The following MARCHF8 variants were observed in gnomAD, a reference collection of about 807,000 sequenced individuals.
MARCHF8 encodes the protein E3 ubiquitin-protein ligase MARCHF8.
MARCHF8 carries 40 observed loss-of-function variants against 51.6 expected under a neutral mutation model. The observed-to-expected ratio is 0.77, with a 90% confidence interval of 0.60 to 1.01. The LOEUF is 1.01. Ranked by LOEUF, MARCHF8 falls within the 50% of genes least tolerant of loss-of-function variation. The probability of loss-of-function intolerance (pLI) is 0.00; values close to 1 mark genes in which losing one functional copy is unlikely to be tolerated. For missense variants in MARCHF8, 685 were observed against 708.6 expected (o/e 0.97, Z 0.38); for synonymous variants, 263 against 280.3 (o/e 0.94, Z 0.62).
rs538305766 is a variant in MARCHF8 at position 45,485,517 on chromosome 10, AAG to A, written c.153+3848_153+3849del. On this transcript the variant is annotated intron_variant, in intron 3 of 7. Coordinates refer to ENST00000453424, the MANE Select transcript of MARCHF8 (RefSeq NM_001282866.2). ...GGATCAAATCCAGCTGCCCACTTTG[AAG>A]AGAGGCAAGCCACCACAGACCTAGC... Among the ~76,000 whole-genome samples the A allele has an allele frequency of 2.2e-4, 33 of 152,284 alleles. No homozygotes were observed. The South Asian group carries it at 6.8e-3, about 32-fold the overall frequency.
intron 2 of MARCHF8, among the ~76,000 whole-genome samples, chr10:45,525,204 T>G (rs17157890): frequency 6.6e-6 from 1 of 152,148 alleles, no homozygotes; most frequent in African/African-American, 2.4e-5. Flanking sequence ...AAATACGAAA[T>G]TGTGTTTACT....
In MARCHF8 at chr10:45,461,377, G is replaced by T. The variant is rs148145718; in HGVS notation, c.1123C>A (p.Leu375Met). The T allele has an allele frequency of 1.8e-4, 291 of 1,595,668 alleles. 1 individual carries two copies. In the Middle Eastern group the frequency reaches 2.7e-3, roughly 15 times the overall value. ...CHCEGDDESP[L>M]ITPCHCTGSL... The stretch of plus-strand genomic sequence containing the variant: ...CCTGTGCAGTGGCAGGGGGTGATCA[G>T]GGGGCTCTCATCATCTCCTTCACAG... The change falls in exon 6 of 8, where the codon CTG (leucine) becomes ATG (methionine). Residue 375 changes from leucine (L) to methionine (M), a missense_variant. By Grantham distance (15) the Leu-to-Met change is conservative. Coordinates refer to ENST00000453424, the MANE Select transcript of MARCHF8 (RefSeq NM_001282866.2).
At chr10:45,530,443 AT>A (rs1458005004) in intron 2 of MARCHF8, among the ~76,000 whole-genome samples, 1 of 152,182 alleles carries the variant, frequency 6.6e-6, no homozygotes, top group Non-Finnish European at 1.5e-5. Context: ...TAGCTTAACA[AT>A]TTTTCTGTAA....
intron 2 of MARCHF8, among the ~76,000 whole-genome samples, chr10:45,512,438 G>A (rs1291277496): frequency 6.6e-6 from 1 of 150,644 alleles, no homozygotes; most frequent in Non-Finnish European, 1.5e-5. Flanking sequence ...CCGTCCGGGA[G>A]GTGAGGGGCA....
chr10:45,592,471 GA>G (rs563720221), intron 1 of MARCHF8, among the ~76,000 whole-genome samples: 109 of 152,134 alleles, frequency 7.2e-4, no homozygotes, highest in Non-Finnish European at 1.4e-3. Context: ...TTACGGGGGG[GA>G]AAAAGCACAT....
At chr10:45,494,296 G>C (rs540774344) in intron 2 of MARCHF8, among the ~76,000 whole-genome samples, 1 of 152,204 alleles carries the variant, frequency 6.6e-6, no homozygotes, top group African/African-American at 2.4e-5. Context: ...AATACACCCT[G>C]GAAAGTAGAA....
intron 2 of MARCHF8, among the ~76,000 whole-genome samples, chr10:45,525,120 A>C (rs988335068): frequency 6.6e-6 from 1 of 152,176 alleles, no homozygotes; most frequent in African/African-American, 2.4e-5. Context: ...GAACATTGTG[A>C]GGTCATTTTT....
At position 45,588,957 on chromosome 10, in the gene MARCHF8, C is replaced by T. The variant is rs1468191908; in HGVS notation, c.-79+5278G>A. On this transcript the variant is annotated intron_variant, in intron 1 of 6. Transcript: ENST00000319836. The stretch of plus-strand genomic sequence containing the variant: ...GAGCTTGCAGTGAGCCAAGATCACG[C>T]CACTGCACTCCAGCCTGGGTGACAG... Among the ~76,000 whole-genome samples the T allele has an allele frequency of 3.4e-5, 5 of 145,320 alleles. No homozygotes were observed. In the Admixed American group the frequency reaches 3.5e-4, roughly 10 times the overall value.
chr10:45,503,742 G>T (rs555016022), intron 2 of MARCHF8, among the ~76,000 whole-genome samples: 1 of 151,880 alleles, frequency 6.6e-6, no homozygotes, highest in Non-Finnish European at 1.5e-5. Context: ...ACACATAAAT[G>T]GAGAGACAAA....
At chr10:45,587,407 A>G (rs2044629808) in intron 1 of MARCHF8, among the ~76,000 whole-genome samples, 2 of 152,162 alleles carry the variant, frequency 1.3e-5, no homozygotes, top group Admixed American at 1.3e-4. Flanking sequence ...TGCAAAACTA[A>G]AAAACATGTT....
chr10:45,471,132 A>G (rs1238583437), intron 3 of MARCHF8, among the ~76,000 whole-genome samples: 1 of 152,222 alleles, frequency 6.6e-6, no homozygotes, highest in Non-Finnish European at 1.5e-5. Flanking sequence ...AAACTACTGA[A>G]TGCTAAAATG....
intron 1 of MARCHF8, among the ~76,000 whole-genome samples, chr10:45,565,878 G>C (rs1308164692): frequency 6.6e-6 from 1 of 152,148 alleles, no homozygotes; most frequent in Non-Finnish European, 1.5e-5. Context: ...ATGTGTTTTT[G>C]TTTAAAACAC....
intron 3 of MARCHF8, among the ~76,000 whole-genome samples, chr10:45,482,115 G>A (rs186682706): frequency 6.6e-6 from 1 of 152,126 alleles, no homozygotes; most frequent in African/African-American, 2.4e-5. Flanking sequence ...TCAAAGAGGT[G>A]AAAGGCGTTG....
At chr10:45,536,592 A>T (rs375170099), upstream of MARCHF8, among the ~76,000 whole-genome samples, 1 of 137,194 alleles carries the variant, frequency 7.3e-6, no homozygotes, top group South Asian at 2.2e-4. Flanking sequence ...TATAAATGTT[A>T]AAAAAAAAAA....
chr10:45,561,892 C>A (rs1406006682), intron 1 of MARCHF8, among the ~76,000 whole-genome samples: 14 of 130,562 alleles, frequency 1.1e-4, no homozygotes, highest in African/African-American at 3.8e-4. Context: ...CGGAGCAAGA[C>A]TCCGTCTCAA....
intron 3 of MARCHF8, among the ~76,000 whole-genome samples, chr10:45,474,296 C>A (rs1482616509): frequency 6.6e-6 from 1 of 152,188 alleles, no homozygotes; most frequent in Non-Finnish European, 1.5e-5. Context: ...CAGGCAGTCA[C>A]CTCACGTCAC....
At chr10:45,565,833 C>G (rs2044358292) in intron 1 of MARCHF8, among the ~76,000 whole-genome samples, 1 of 152,256 alleles carries the variant, frequency 6.6e-6, no homozygotes, top group East Asian at 1.9e-4. Context: ...GTCCTGCTAC[C>G]TTAGTCAGCT....
At chr10:45,574,000 C>T (rs2044461140) in intron 1 of MARCHF8, among the ~76,000 whole-genome samples, 1 of 152,182 alleles carries the variant, frequency 6.6e-6, no homozygotes, top group South Asian at 2.1e-4. Flanking sequence ...GCTTCCCTGA[C>T]TATTCCTGGG....
intron 2 of MARCHF8, among the ~76,000 whole-genome samples, chr10:45,506,415 T>TTA (rs1241867290): frequency 6.6e-6 from 1 of 152,224 alleles, no homozygotes; most frequent in Non-Finnish European, 1.5e-5. Context: ...TTCTACTTAA[T>TTA]GTCTAAGATT....
Sources: gnomAD v4.1 joint callset for allele counts (sites outside exome capture counted in the v4.1 genomes callset) on GRCh38, gnomAD v4.1.1 for gene constraint, MANE v1.5 for transcripts, NCBI Gene and HGNC (gene_info 2026-07-23, HGNC 2026-07-21) for gene names.